NXPE1: variants seen among roughly 807,000 people sequenced by gnomAD.
NXPE1 encodes NXPE family member 1.
In NXPE1, 31 loss-of-function variants were observed where a neutral mutation model predicts 33.3. The observed-to-expected ratio is 0.93, with a 90% CI of 0.70 to 1.26. The LOEUF (loss-of-function observed/expected upper bound fraction) is 1.26, where lower values mean the gene tolerates loss of function less well. Among genes scored for constraint, NXPE1 ranks in the 50% most tolerant of loss-of-function variants. The probability of loss-of-function intolerance (pLI) is 0.00; values close to 1 mark genes in which losing one functional copy is unlikely to be tolerated. For missense variants in NXPE1, 661 were observed against 655.6 expected (o/e 1.01, Z -0.09); for synonymous variants, 229 against 231.4 (o/e 0.99, Z 0.09).
intron 5 of NXPE1, among the ~76,000 whole-genome samples, chr11:114,541,316 G>A (rs187125519): frequency 6.6e-6 from 1 of 152,194 alleles, no homozygotes; most frequent in Non-Finnish European, 1.5e-5. Context: ...TAACATAGAT[G>A]TTGGCCTGAT....
At chr11:114,530,524 C>T (rs1947540531) in exon 6 of NXPE1, 1 of 1,613,918 alleles carries the variant, frequency 6.2e-7, no homozygotes, top group South Asian at 1.1e-5. Flanking sequence ...AGGTAGGTGC[C>T]ATTGTTGAAG....
chr11:114,552,200 T>C (rs1288337331), intron 2 of NXPE1, 115 bp from the exon 3 acceptor site: 1 of 152,190 alleles, frequency 6.6e-6, no homozygotes, highest in Non-Finnish European at 1.5e-5. Flanking sequence ...TTGCAACTCA[T>C]ATTGAATCAC....
intron 5 of NXPE1, among the ~76,000 whole-genome samples, chr11:114,547,512 A>G (rs1028090124): frequency 2.0e-5 from 3 of 152,202 alleles, no homozygotes; most frequent in Non-Finnish European, 4.4e-5. Flanking sequence ...AGGCAGGTTG[A>G]TCACTTGAGG....
At chr11:114,530,280 T>G in exon 6 of NXPE1, 1 of 1,614,224 alleles carries the variant, frequency 6.2e-7, no homozygotes, top group Non-Finnish European at 8.5e-7. Flanking sequence ...CTTCATACAA[T>G]AGAAGGCTTC....
At chr11:114,536,160 A>C (rs1299601666) in intron 5 of NXPE1, among the ~76,000 whole-genome samples, 1 of 152,242 alleles carries the variant, frequency 6.6e-6, no homozygotes, top group Non-Finnish European at 1.5e-5. Flanking sequence ...ATGGAAACTG[A>C]ACAACCTGCT....
In NXPE1 at chr11:114,550,820, G is replaced by A. The variant is rs1377884127; in HGVS notation, c.99+283C>T. Among the ~76,000 whole-genome samples, 4 of 152,278 alleles carry A rather than the reference G, an allele frequency of 2.6e-5. No homozygotes were observed. In the East Asian group the frequency reaches 7.7e-4, roughly 29 times the overall value. ...ATGGCCAGATTGAGTGTTTAAATAAGTTATTTACTGATGAGGAAGTTGGTA... is the reference window on the plus strand; with the variant it reads ...ATGGCCAGATTGAGTGTTTAAATAAATTATTTACTGATGAGGAAGTTGGTA... On this transcript the variant is annotated intron_variant, in intron 5 of 8. Coordinates refer to ENST00000534921, the Ensembl canonical transcript of NXPE1.
downstream of NXPE1, among the ~76,000 whole-genome samples, chr11:114,519,968 T>C (rs1947174022): frequency 8.5e-6 from 1 of 117,234 alleles, no homozygotes; most frequent in African/African-American, 4.5e-5. Context: ...CTCGGCGAGC[T>C]TGCCCGCTAA....
rs547566994 is a variant in NXPE1, at chr11:114,555,208, T to C, written c.-210-2328A>G. Among the ~76,000 whole-genome samples the C allele has an allele frequency of 2.6e-5, 4 of 152,242 alleles. No homozygotes were observed. In the East Asian group the frequency reaches 7.7e-4, roughly 29 times the overall value. ...TTTTTACAGCATTACTGAGGTATAA[T>C]TTACATTCAATAAGAATACATGATT... On this transcript the variant is annotated intron_variant, in intron 1 of 8. Transcript: ENST00000534921.
chr11:114,523,004 G>A (rs1264067269), exon 8 of NXPE1: 2 of 1,613,742 alleles, frequency 1.2e-6, no homozygotes, highest in South Asian at 1.1e-5. Context: ...GTTGCAAAAT[G>A]TTGTTATCCA....
intron 7 of NXPE1, among the ~76,000 whole-genome samples, chr11:114,525,658 G>A (rs1947346691): frequency 6.6e-6 from 1 of 152,172 alleles, no homozygotes; most frequent in Non-Finnish European, 1.5e-5. Flanking sequence ...CACAACATAT[G>A]CCTGAGTTGC....
exon 6 of NXPE1, chr11:114,530,489 C>T (rs767478303): frequency 1.8e-5 from 29 of 1,613,968 alleles, no homozygotes; most frequent in South Asian, 2.2e-5. Context: ...AGACCTGGCC[C>T]TCCCAGAACA....
At chr11:114,534,931 C>A (rs954522711) in intron 5 of NXPE1, among the ~76,000 whole-genome samples, 2 of 152,098 alleles carry the variant, frequency 1.3e-5, no homozygotes, top group African/African-American at 4.8e-5. Context: ...ATACAGAGAA[C>A]GCCACTAAGA....
intron 8 of NXPE1, 124 bp from the exon 9 acceptor site, chr11:114,522,627 T>C: frequency 3.6e-6 from 3 of 834,434 alleles, no homozygotes; most frequent in South Asian, 1.9e-5. Context: ...CTTTCTACTC[T>C]CTAGGGTACA....
At chr11:114,543,308 A>T in intron 5 of NXPE1, among the ~76,000 whole-genome samples, 1 of 151,596 alleles carries the variant, frequency 6.6e-6, no homozygotes, top group African/African-American at 2.4e-5. Flanking sequence ...GTGAGCCAAG[A>T]TTGCACCATT....
chr11:114,521,165 T>C (rs924040363), downstream of NXPE1, among the ~76,000 whole-genome samples: 7 of 141,400 alleles, frequency 5.0e-5, no homozygotes, highest in Middle Eastern at 3.5e-3. Flanking sequence ...ATTTTCTCTT[T>C]AACAGGAAAG....
In NXPE1 at chr11:114,553,919, A is replaced by G. The variant is rs1591309022; in HGVS notation, c.-210-1039T>C. On this transcript the variant is annotated intron_variant, in intron 1 of 8. Transcript: ENST00000534921. ...GAAGTCATCAAAGGCTATAAACAGG[A>G]TTTTTGTTTTTGTTTTCTGGGAGAG... The G allele has an allele frequency of 9.1e-6, 9 of 985,118 alleles. No individual in the cohort carries two copies. In the East Asian group the frequency reaches 1.0e-3, roughly 112 times the overall value. The allele number at this position is 985,118 out of a possible 1,614,324, so 61.0% of individuals were successfully genotyped here.
intron 5 of NXPE1, 116 bp downstream of exon 5, chr11:114,550,987 G>A (rs1555048503): frequency 1.9e-4 from 120 of 622,716 alleles, no homozygotes; most frequent in Non-Finnish European, 6.0e-5. Flanking sequence ...GAGAAGATAG[G>A]GCAGTAGTTG....
At chr11:114,553,818 T>C (rs1948584138) in intron 1 of NXPE1, 1 of 969,872 alleles carries the variant, frequency 1.0e-6, no homozygotes, top group African/African-American at 1.8e-5. Flanking sequence ...TTCATGCACA[T>C]TTCTTTCCAA....
chr11:114,544,412 A>G (rs1244982874), intron 5 of NXPE1, among the ~76,000 whole-genome samples: 1 of 152,236 alleles, frequency 6.6e-6, no homozygotes, highest in African/African-American at 2.4e-5. Context: ...TAGAAAGCCA[A>G]TAAACAAATG....
Sources: gnomAD v4.1 joint callset for allele counts (sites outside exome capture counted in the v4.1 genomes callset) on GRCh38, gnomAD v4.1.1 for gene constraint, MANE v1.5 for transcripts, NCBI Gene and HGNC (gene_info 2026-07-23, HGNC 2026-07-21) for gene names.